Variants in ALDH1L2 observed in about 807,000 individuals in gnomAD.
ALDH1L2 encodes the protein aldehyde dehydrogenase 1 family member L2, also known as mitochondrial 10-formyltetrahydrofolate dehydrogenase.
Under a neutral mutation model 111.0 loss-of-function variants are expected in ALDH1L2, and 91 were observed. That is an observed-to-expected ratio of 0.82 (90% CI 0.69 to 0.98). ALDH1L2 has a LOEUF of 0.98. Among genes scored for constraint, ALDH1L2 ranks in the 50% least tolerant of loss-of-function variants. ALDH1L2 has a pLI of 0.00. For missense variants in ALDH1L2, 995 were observed against 1,126.8 expected (o/e 0.88, Z 1.67); for synonymous variants, 374 against 392.6 (o/e 0.95, Z 0.56).
rs780496389 is a variant in ALDH1L2 at position 105,046,912 on chromosome 12, T to G, written c.1744A>C (p.Lys582Gln). ...TCCTTATCTTACCCGAGTGGCTCTT[T>G]CTTGGTGAAGGTCAGATTGCGATTT... ...RPNRNLTFTK[K>Q]EPLGVCAIII... is the part of the protein sequence containing the mutation. The change falls in exon 14 of 23, where the codon AAA becomes CAA. Residue 582 changes from lysine (K) to glutamine (Q), a missense_variant. Lys to Gln is a moderately conservative substitution (Grantham distance 53, BLOSUM62 1). Coordinates refer to ENST00000258494, the MANE Select transcript of ALDH1L2 (RefSeq NM_001034173.4). The G allele has an allele frequency of 1.9e-6, 3 of 1,614,128 alleles. No individual in the cohort carries two copies. The South Asian group carries it at 3.3e-5, about 18-fold the overall frequency.
intron 22 of ALDH1L2, among the ~76,000 whole-genome samples, 163 bp from the exon 23 acceptor site, chr12:105,024,642 A>G (rs907532367): frequency 6.6e-6 from 1 of 152,222 alleles, no homozygotes; most frequent in African/African-American, 2.4e-5. Flanking sequence ...AACCATCTGA[A>G]GACTCTGTTA....
intron 13 of ALDH1L2, 23 bp downstream of exon 13, chr12:105,049,885 G>A (rs946868356): frequency 6.3e-7 from 1 of 1,591,350 alleles, no homozygotes. Flanking sequence ...TTTTCTTTCA[G>A]AACAAATAAT....
chr12:105,047,483 G>A (rs1342259278), intron 13 of ALDH1L2: 1 of 157,828 alleles, frequency 6.3e-6, no homozygotes, highest in East Asian at 1.8e-4. Context: ...CACTGCAGTG[G>A]TTTTCTTGAG....
At chr12:105,063,874 A>C (rs1291778763) in intron 6 of ALDH1L2, among the ~76,000 whole-genome samples, 1 of 152,072 alleles carries the variant, frequency 6.6e-6, no homozygotes, top group Admixed American at 6.5e-5. Flanking sequence ...GCTATCATTT[A>C]TGGAGCACTA....
chr12:105,058,320 A>C, intron 9 of ALDH1L2, 100 bp from the exon 10 acceptor site: 4 of 1,193,576 alleles, frequency 3.4e-6, no homozygotes, highest in Non-Finnish European at 4.6e-6. Context: ...TAAGACTTAC[A>C]TCACATGCCT....
intron 3 of ALDH1L2, 96 bp downstream of exon 3, chr12:105,070,474 G>T: frequency 9.7e-7 from 1 of 1,031,382 alleles, no homozygotes; most frequent in Non-Finnish European, 1.4e-6. Flanking sequence ...GGAGGCTGAG[G>T]CAGAAGGATC....
At chr12:105,043,760 G>T (rs892728582) in intron 15 of ALDH1L2, among the ~76,000 whole-genome samples, 1 of 152,136 alleles carries the variant, frequency 6.6e-6, no homozygotes, top group African/African-American at 2.4e-5. Context: ...CAGTGTCCCT[G>T]CAGGATTATA....
intron 15 of ALDH1L2, among the ~76,000 whole-genome samples, chr12:105,043,477 G>A (rs1394960124): frequency 6.6e-6 from 1 of 152,158 alleles, no homozygotes; most frequent in Non-Finnish European, 1.5e-5. Context: ...TGAGAAGTTG[G>A]CCCAAAATAT....
intron 18 of ALDH1L2, among the ~76,000 whole-genome samples, chr12:105,035,886 T>TTATATATATAC (rs1420395885): frequency 2.0e-4 from 27 of 136,952 alleles, no homozygotes; most frequent in African/African-American, 7.4e-4. Flanking sequence ...CACATATATA[T>TTATATATATAC]ACGTATATTT....
chr12:105,060,861 A>G, intron 9 of ALDH1L2, 120 bp downstream of exon 9: 1 of 631,824 alleles, frequency 1.6e-6, no homozygotes, highest in Non-Finnish European at 2.7e-6. Context: ...TGAGTCATAG[A>G]TAGGTATGAT....
Position 105,052,135 on chromosome 12 carries a change from T to C in ALDH1L2, c.1490A>G (p.Glu497Gly). ...TTCTCTTGCATTCATTCTTCCCCAT[T>C]CACCGTTTTCAAAAGCATCTTTTGC... ...AAAKDAFENGEWGRMNARERG... is the reference protein window; with the variant it reads ...AAAKDAFENGGWGRMNARERG... Residue 497 changes from glutamate to glycine, a missense_variant, in exon 12 of 23, where the codon GAA (glutamate) becomes GGA (glycine). By Grantham distance (98) the Glu-to-Gly change is moderately conservative. Coordinates refer to ENST00000258494, the MANE Select transcript of ALDH1L2 (RefSeq NM_001034173.4). The C allele has an allele frequency of 6.2e-7, 1 of 1,611,862 alleles. No individual in the cohort carries two copies. The highest frequency in any genetic ancestry group is 8.5e-7 in the Non-Finnish European group (1 of 1,178,780).
At chr12:105,082,370 TCTCCAG>T (rs1304542520) in intron 1 of ALDH1L2, among the ~76,000 whole-genome samples, 1 of 152,206 alleles carries the variant, frequency 6.6e-6, no homozygotes, top group African/African-American at 2.4e-5. Context: ...CTTCCTCCTA[TCTCCAG>T]CTCCAGACAT....
rs1874281615 is a variant in ALDH1L2 at position 105,023,858 on chromosome 12, G to T, written c.*566C>A. On this transcript the variant is annotated 3_prime_UTR_variant, in exon 23 of 23. Transcript: ENST00000258494. ...TAATATAGTACCTGGTACCTAGTAG[G>T]TACTCAAGATAATGTTTCTAGGTTG... is the stretch of plus-strand genomic sequence containing the variant. 6.5e-6 allele frequency: 1 copy of T among 153,412 alleles called. No homozygotes were observed. Among genetic ancestry groups the T allele is most frequent in the Middle Eastern group, 3.2e-3 (1 of 316 alleles). 9.5% of individuals were successfully genotyped at this position (153,412 alleles called of 1,614,324 possible). A position where few individuals can be genotyped will look rare whatever the true frequency, so the allele number is the denominator to read the frequency against.
intron 8 of ALDH1L2, 82 bp from the exon 9 acceptor site, chr12:105,061,154 A>G (rs1039194472): frequency 1.2e-5 from 14 of 1,178,504 alleles, no homozygotes; most frequent in Non-Finnish European, 1.8e-5. Context: ...CACCAAACCA[A>G]TTCCCTCTTC....
intron 17 of ALDH1L2, 39 bp downstream of exon 17, chr12:105,039,674 A>G (rs1875400650): frequency 6.4e-7 from 1 of 1,571,234 alleles, no homozygotes; most frequent in African/African-American, 1.3e-5. Flanking sequence ...AACCTAGTTT[A>G]ACAGGATCTG....
At chr12:105,050,382 A>G (rs1876182698) in intron 12 of ALDH1L2, 1 of 209,202 alleles carries the variant, frequency 4.8e-6, no homozygotes, top group South Asian at 9.0e-5. Context: ...CTGAGAACCC[A>G]TGAACATTTG....
chr12:105,026,824 A>G (rs1421294075), intron 21 of ALDH1L2, 80 bp from the exon 22 acceptor site: 7 of 1,535,264 alleles, frequency 4.6e-6, no homozygotes, highest in East Asian at 2.3e-5. Flanking sequence ...TTTCCCATCT[A>G]TGCTAGAAAC....
At chr12:105,059,591 C>G (rs1485379572) in intron 9 of ALDH1L2, among the ~76,000 whole-genome samples, 1 of 152,060 alleles carries the variant, frequency 6.6e-6, no homozygotes, top group Non-Finnish European at 1.5e-5. Flanking sequence ...ATTTGAGGAG[C>G]CGAAACTCTT....
chr12:105,062,576 G>A (rs1565966361), intron 7 of ALDH1L2, among the ~76,000 whole-genome samples: 1 of 152,168 alleles, frequency 6.6e-6, no homozygotes, highest in Admixed American at 6.5e-5. Context: ...AAGGCAGACA[G>A]ACAAGATTCT....
Sources: allele counts gnomAD v4.1 joint callset (sites outside exome capture counted in the v4.1 genomes callset), GRCh38; gene constraint gnomAD v4.1.1; transcripts MANE v1.5; gene names NCBI Gene and HGNC (gene_info 2026-07-23, HGNC 2026-07-21).